Variants in FMNL2 observed in about 807,000 individuals in gnomAD.
FMNL2 encodes the protein formin like 2.
Under a neutral mutation model 130.2 loss-of-function variants are expected in FMNL2, and 51 were observed. That is an observed-to-expected ratio of 0.39 (90% CI 0.31 to 0.49). The LOEUF is 0.49. FMNL2 is among the 20% of genes least tolerant of loss of function. The pLI is 0.85. For synonymous variants in FMNL2, 465 were observed against 467.1 expected, an observed-to-expected ratio of 1.00 and a Z score of 0.06; for missense variants, 977 against 1,316.2, an observed-to-expected ratio of 0.74 and a Z score of 3.99.
chr2:152,489,841 A>G (rs1691042905), intron 1 of FMNL2, among the ~76,000 whole-genome samples: 2 of 152,206 alleles, frequency 1.3e-5, no homozygotes, highest in Admixed American at 1.3e-4. Context: ...CACATCCACA[A>G]AGTTTGTATG....
chr2:152,544,884 GA>G (rs1273017340), intron 3 of FMNL2, among the ~76,000 whole-genome samples: 2 of 152,166 alleles, frequency 1.3e-5, no homozygotes, highest in Non-Finnish European at 2.9e-5. Context: ...TAGGCAAAGA[GA>G]ACAAAGTGAA....
At chr2:152,552,364 A>C (rs1694982044) in intron 4 of FMNL2, among the ~76,000 whole-genome samples, 1 of 152,200 alleles carries the variant, frequency 6.6e-6, no homozygotes, top group Admixed American at 6.5e-5. Context: ...CTTTATCTAA[A>C]ATGATCCTGA....
intron 2 of FMNL2, among the ~76,000 whole-genome samples, chr2:152,539,977 C>A (rs1694212895): frequency 6.6e-6 from 1 of 152,062 alleles, no homozygotes; most frequent in South Asian, 2.1e-4. Flanking sequence ...ATAGATCCAA[C>A]TTCTTAGGAG....
intron 9 of FMNL2, among the ~76,000 whole-genome samples, chr2:152,599,896 C>T (rs1697962904): frequency 6.6e-6 from 1 of 152,178 alleles, no homozygotes; most frequent in South Asian, 2.1e-4. Flanking sequence ...GAGCCAGCAG[C>T]AGGTTGGAGT....
chr2:152,493,736 C>G (rs933667461), intron 1 of FMNL2, among the ~76,000 whole-genome samples: 1 of 152,226 alleles, frequency 6.6e-6, no homozygotes, highest in Non-Finnish European at 1.5e-5. Context: ...CAGCCTGAGG[C>G]TCTCACCAGG....
chr2:152,347,660 G>T (rs1373290081), intron 1 of FMNL2, among the ~76,000 whole-genome samples: 1 of 152,110 alleles, frequency 6.6e-6, no homozygotes, highest in Non-Finnish European at 1.5e-5. Context: ...TTTAGCTTTT[G>T]TTATCTTTCT....
At chr2:152,446,704 A>G (rs1214944713) in intron 1 of FMNL2, among the ~76,000 whole-genome samples, 1 of 152,206 alleles carries the variant, frequency 6.6e-6, no homozygotes, top group East Asian at 1.9e-4. Context: ...TGTAAATGTA[A>G]TACATTATAG....
chr2:152,355,818 G>C (rs1682748698), intron 1 of FMNL2, among the ~76,000 whole-genome samples: 1 of 152,178 alleles, frequency 6.6e-6, no homozygotes, highest in African/African-American at 2.4e-5. Flanking sequence ...TTTCACTACT[G>C]AGTGGTAGTT....
intron 1 of FMNL2, among the ~76,000 whole-genome samples, chr2:152,373,820 G>C (rs1487387981): frequency 6.6e-6 from 1 of 151,348 alleles, no homozygotes; most frequent in Admixed American, 6.6e-5. Context: ...TAAACTCTCA[G>C]AAATCTGGGA....
chr2:152,608,417 T>C (rs894904392), intron 10 of FMNL2, among the ~76,000 whole-genome samples: 2 of 143,928 alleles, frequency 1.4e-5, no homozygotes, highest in Non-Finnish European at 3.0e-5. Flanking sequence ...TTTATATGCG[T>C]CTTAGCCCTC....
intron 1 of FMNL2, among the ~76,000 whole-genome samples, chr2:152,345,827 G>C (rs962195725): frequency 6.6e-6 from 1 of 152,090 alleles, no homozygotes; most frequent in Non-Finnish European, 1.5e-5. Flanking sequence ...GGCCTCCTGG[G>C]CTTGTGCAGC....
chr2:152,581,303 A>G lies in FMNL2; in HGVS notation c.876+254A>G, dbSNP rs567142710. On this transcript the variant is annotated intron_variant, in intron 9 of 25. Transcript: ENST00000288670. Reference sequence around the variant, plus strand: ...TTTAATTTTTATGTTTTTAGGGAACATGGAATAATCCAGTTTGAAAACCGG... The same window carrying G: ...TTTAATTTTTATGTTTTTAGGGAACGTGGAATAATCCAGTTTGAAAACCGG... Among the ~76,000 whole-genome samples, 16 of 152,312 alleles carry G rather than the reference A, an allele frequency of 1.1e-4. No homozygotes were observed. In the South Asian group the frequency reaches 3.3e-3, roughly 32 times the overall value.
intron 1 of FMNL2, among the ~76,000 whole-genome samples, chr2:152,499,013 G>A (rs1691666023): frequency 1.3e-5 from 2 of 152,188 alleles, no homozygotes; most frequent in African/African-American, 2.4e-5. Context: ...GGGCAAAGGG[G>A]CCCTTAGTTA....
rs397767248 is a variant in FMNL2 at position 152,347,940 on chromosome 2, T to TC, written c.117+12221dup. Among the ~76,000 whole-genome samples, 798 of 151,882 alleles carry TC rather than the reference T, an allele frequency of 5.3e-3. 3 individuals carry two copies. The highest frequency in any genetic ancestry group is 8.2e-3 in the Non-Finnish European group (558 of 67,892). The stretch of plus-strand genomic sequence containing the variant: ...CCCTAACTTGGAAGTTTTTTTTTTT[T>TC]CTTTTTCGTTTTTTAATCCCTGTCC... On this transcript the variant is annotated intron_variant, in intron 1 of 25. Transcript: ENST00000288670.
intron 9 of FMNL2, 61 bp downstream of exon 9, chr2:152,581,110 A>G (rs1696753808): frequency 6.9e-7 from 1 of 1,457,138 alleles, no homozygotes; most frequent in Non-Finnish European, 9.6e-7. Flanking sequence ...ACATCTTTGA[A>G]CGGAATTATT....
chr2:152,613,348 G>T (rs1476581474), intron 11 of FMNL2, among the ~76,000 whole-genome samples: 1 of 152,176 alleles, frequency 6.6e-6, no homozygotes, highest in African/African-American at 2.4e-5. Context: ...GCTTGTTTAT[G>T]CTGTAGAATA....
At chr2:152,399,862 G>A (rs577454641) in intron 1 of FMNL2, among the ~76,000 whole-genome samples, 2 of 152,182 alleles carry the variant, frequency 1.3e-5, no homozygotes, top group Non-Finnish European at 2.9e-5. Flanking sequence ...TGGAGTGCTA[G>A]CTACTGGATG....
At chr2:152,526,502 TC>T (rs1693393649) in intron 2 of FMNL2, among the ~76,000 whole-genome samples, 1 of 152,168 alleles carries the variant, frequency 6.6e-6, no homozygotes, top group Non-Finnish European at 1.5e-5. Flanking sequence ...GGCTTCTCAC[TC>T]CCAGCTGTTG....
chr2:152,363,006 G>C lies in FMNL2; in HGVS notation c.117+27286G>C, dbSNP rs138324504. On this transcript the variant is annotated intron_variant, in intron 1 of 25. Coordinates refer to ENST00000288670, the MANE Select transcript of FMNL2 (RefSeq NM_052905.4). ...GGCAAAACTATATAGAGGGAAAGTA[G>C]ATTAGTGGTTGCCTAGGGCTAGAGA... 3.0e-3 allele frequency among the ~76,000 whole-genome samples: 460 copies of C among 152,348 alleles called. 3 individuals are homozygous for C. Among genetic ancestry groups the C allele is most frequent in the African/African-American group, 0.011 (442 of 41,584 alleles).
Sources: allele counts gnomAD v4.1 joint callset (sites outside exome capture counted in the v4.1 genomes callset), GRCh38; gene constraint gnomAD v4.1.1; transcripts MANE v1.5; gene names NCBI Gene and HGNC (gene_info 2026-07-23, HGNC 2026-07-21).